The following DNER variants were observed in gnomAD, a reference collection of about 807,000 sequenced individuals.
DNER encodes delta and Notch-like epidermal growth factor-related receptor.
A neutral mutation model predicts 78.2 loss-of-function variants in DNER; 33 were observed. That is an observed-to-expected ratio of 0.42 (90% CI 0.32 to 0.56). DNER has a LOEUF of 0.56. Among genes scored for constraint, DNER ranks in the 20% least tolerant of loss-of-function variants. The pLI is 0.11. For synonymous variants in DNER, 417 were observed against 384.8 expected (o/e 1.08, Z -0.98); for missense variants, 918 against 975.3 (o/e 0.94, Z 0.78).
chr2:229,517,429 C>T (rs1397017557), intron 5 of DNER, among the ~76,000 whole-genome samples: 5 of 152,138 alleles, frequency 3.3e-5, no homozygotes, highest in Admixed American at 6.6e-5. Context: ...AATTTAAAAC[C>T]GGATGTACTG....
chr2:229,670,424 C>T (rs975587935), intron 1 of DNER, among the ~76,000 whole-genome samples: 1 of 152,018 alleles, frequency 6.6e-6, no homozygotes, highest in Non-Finnish European at 1.5e-5. Context: ...ATGAAGACCT[C>T]GGAGGAAACT....
chr2:229,507,397 T>C (rs565947886), intron 6 of DNER, among the ~76,000 whole-genome samples: 12 of 152,350 alleles, frequency 7.9e-5, no homozygotes, highest in African/African-American at 2.6e-4. Flanking sequence ...CCTATATGCC[T>C]ACATGTGCTA....
At chr2:229,435,248 AGTTGCCCCC>A (rs1178600664) in intron 8 of DNER, among the ~76,000 whole-genome samples, 2 of 152,182 alleles carry the variant, frequency 1.3e-5, no homozygotes, top group Non-Finnish European at 2.9e-5. Context: ...CATGTGGCTT[AGTTGCCCCC>A]ATCACTCCAG....
intron 1 of DNER, among the ~76,000 whole-genome samples, chr2:229,668,561 T>C (rs533305888): frequency 1.6e-5 from 2 of 124,494 alleles, no homozygotes; most frequent in Non-Finnish European, 3.2e-5. Flanking sequence ...TATATATATA[T>C]ATATATATAT....
chr2:229,672,204 G>C (rs1699220441), intron 1 of DNER, among the ~76,000 whole-genome samples: 1 of 152,186 alleles, frequency 6.6e-6, no homozygotes, highest in Admixed American at 6.5e-5. Context: ...GCTGGGGCTG[G>C]AATCAGACGC....
intron 6 of DNER, among the ~76,000 whole-genome samples, chr2:229,500,978 A>G (rs892761983): frequency 9.2e-5 from 14 of 152,170 alleles, no homozygotes; most frequent in Non-Finnish European, 1.8e-4. Flanking sequence ...AAATTGTGTC[A>G]TCTACAACAA....
At chr2:229,517,121 A>G (rs1695995369) in intron 5 of DNER, among the ~76,000 whole-genome samples, 1 of 151,422 alleles carries the variant, frequency 6.6e-6, no homozygotes, top group East Asian at 1.9e-4. Flanking sequence ...AAAAAAAAAA[A>G]AAAAAAGAAA....
chr2:229,685,733 T>C (rs114478556), intron 1 of DNER, among the ~76,000 whole-genome samples: 2 of 152,310 alleles, frequency 1.3e-5, no homozygotes, highest in Non-Finnish European at 2.9e-5. Context: ...TGAGCAACTA[T>C]AGATGCCAGG....
rs185446929 is a variant in DNER, at chr2:229,419,900, G to T, written c.1487-1670C>A. Among the ~76,000 whole-genome samples the T allele has an allele frequency of 3.2e-4, 47 of 148,500 alleles. No homozygotes were observed. In the East Asian group the frequency reaches 9.1e-3, roughly 29 times the overall value. ...TTTTCGTTGTCACAACTGGAGGCAGGGGGAGGGGTTGCTGCTGGCATCTAG... is the reference window on the plus strand; with the variant it reads ...TTTTCGTTGTCACAACTGGAGGCAGTGGGAGGGGTTGCTGCTGGCATCTAG... On this transcript the variant is annotated intron_variant, in intron 8 of 12. Transcript: ENST00000341772.
At chr2:229,644,796 T>G (rs1309873204) in intron 1 of DNER, among the ~76,000 whole-genome samples, 2 of 152,172 alleles carry the variant, frequency 1.3e-5, no homozygotes, top group Non-Finnish European at 2.9e-5. Flanking sequence ...TTATGCTGAA[T>G]TTATGGCTCT....
chr2:229,552,990 C>G (rs765075337), intron 4 of DNER, among the ~76,000 whole-genome samples: 8 of 152,128 alleles, frequency 5.3e-5, no homozygotes, highest in Non-Finnish European at 1.2e-4. Context: ...TGGAAATGCA[C>G]CAATGCATGA....
intron 11 of DNER, among the ~76,000 whole-genome samples, chr2:229,381,237 C>T (rs940567411): frequency 1.3e-5 from 2 of 152,166 alleles, no homozygotes; most frequent in Admixed American, 1.3e-4. Context: ...CGGTGCACTC[C>T]AGCCTAGATA....
chr2:229,562,281 T>C (rs1696975257), intron 4 of DNER, among the ~76,000 whole-genome samples: 1 of 151,956 alleles, frequency 6.6e-6, no homozygotes, highest in African/African-American at 2.4e-5. Context: ...AAACACAAAA[T>C]ACTAACTCCA....
At chr2:229,397,474 A>AAAAAAAAAAAAAAC (rs900805435) in intron 10 of DNER, among the ~76,000 whole-genome samples, 1 of 149,680 alleles carries the variant, frequency 6.7e-6, no homozygotes, top group African/African-American at 2.5e-5. Context: ...AAAAAAAAAA[A>AAAAAAAAAAAAAAC]AAAAACTGCA....
chr2:229,600,699 C>G (rs1164508658), intron 1 of DNER, among the ~76,000 whole-genome samples: 1 of 152,106 alleles, frequency 6.6e-6, no homozygotes, highest in African/African-American at 2.4e-5. Flanking sequence ...AGGGTCATAC[C>G]CCTACCTTTC....
intron 4 of DNER, among the ~76,000 whole-genome samples, chr2:229,579,616 G>A (rs1415507548): frequency 1.3e-5 from 2 of 152,046 alleles, no homozygotes; most frequent in East Asian, 3.9e-4. Context: ...TCCTGAGAAG[G>A]ATGCATGGAT....
At chr2:229,712,206 G>A (rs1285289673) in intron 1 of DNER, among the ~76,000 whole-genome samples, 1 of 152,196 alleles carries the variant, frequency 6.6e-6, no homozygotes, top group African/African-American at 2.4e-5. Flanking sequence ...ATCTGAATCT[G>A]TTTTGATCCA....
At chr2:229,703,533 G>T (rs753487651) in intron 1 of DNER, among the ~76,000 whole-genome samples, 14 of 152,092 alleles carry the variant, frequency 9.2e-5, no homozygotes, top group Non-Finnish European at 1.9e-4. Context: ...AGAAAAAATG[G>T]ACCAATCAGA....
intron 9 of DNER, among the ~76,000 whole-genome samples, chr2:229,409,844 T>A (rs931550242): frequency 2.0e-5 from 3 of 152,164 alleles, no homozygotes; most frequent in African/African-American, 7.2e-5. Flanking sequence ...CATTTCTATA[T>A]CGTAAACCTT....
Sources: gnomAD v4.1 joint callset for allele counts (sites outside exome capture counted in the v4.1 genomes callset) on GRCh38, gnomAD v4.1.1 for gene constraint, MANE v1.5 for transcripts, NCBI Gene and HGNC (gene_info 2026-07-23, HGNC 2026-07-21) for gene names.